PLXDC2: variants seen among roughly 807,000 people sequenced by gnomAD.
PLXDC2 encodes plexin domain containing 2, also known as plexin domain-containing protein 2.
A neutral mutation model predicts 68.9 loss-of-function variants in PLXDC2; 40 were observed. The ratio of observed to expected loss-of-function variants is 0.58; its 90% CI spans 0.45 to 0.76. PLXDC2 has a LOEUF of 0.76. Among genes scored for constraint, PLXDC2 ranks in the 30% least tolerant of loss-of-function variants. The pLI is 0.00. For synonymous variants in PLXDC2, 243 were observed against 234.2 expected, an observed-to-expected ratio of 1.04 and a Z score of -0.34; for missense variants, 644 against 661.9, an observed-to-expected ratio of 0.97 and a Z score of 0.30.
At chr10:19,875,166 C>G (rs886260054) in intron 1 of PLXDC2, among the ~76,000 whole-genome samples, 3 of 152,072 alleles carry the variant, frequency 2.0e-5, no homozygotes, top group Non-Finnish European at 2.9e-5. Context: ...TACTTAGGAT[C>G]CGATGTAGGA....
In PLXDC2 at chr10:19,941,975, A is replaced by G. The variant is rs544773936; in HGVS notation, c.113-59800A>G. ...TGTTTCCAGCCTTTGACATTTAGAG[A>G]AAAAAAAAAAAAAAAGAACTTTGGT... On this transcript the variant is annotated intron_variant, in intron 1 of 13. Transcript: ENST00000377252. Among the ~76,000 whole-genome samples, 603 of 99,352 alleles carry G rather than the reference A, an allele frequency of 6.1e-3. 1 individual carries two copies. The highest frequency in any genetic ancestry group is 0.018 in the African/African-American group (568 of 30,748). The allele number at this position is 99,352 out of a possible 152,430, so 65.2% of individuals were successfully genotyped here.
At chr10:20,106,294 C>T (rs754265559) in intron 4 of PLXDC2, among the ~76,000 whole-genome samples, 26 of 152,200 alleles carry the variant, frequency 1.7e-4, no homozygotes, top group African/African-American at 5.3e-4. Context: ...GGCAGAGCCA[C>T]TGCTGCCCTG....
intron 1 of PLXDC2, among the ~76,000 whole-genome samples, chr10:19,991,412 T>C (rs1227247850): frequency 6.6e-6 from 1 of 151,892 alleles, no homozygotes. Context: ...GAAAAGTGAT[T>C]TTTTAAATTC....
intron 4 of PLXDC2, among the ~76,000 whole-genome samples, chr10:20,140,512 A>G (rs1302689630): frequency 1.3e-5 from 2 of 151,850 alleles, no homozygotes; most frequent in African/African-American, 4.8e-5. Context: ...GGGTGTTGGT[A>G]TCTGTGAGTA....
At chr10:20,254,046 C>T (rs142847495) in intron 13 of PLXDC2, among the ~76,000 whole-genome samples, 2 of 152,228 alleles carry the variant, frequency 1.3e-5, no homozygotes, top group African/African-American at 4.8e-5. Context: ...CTATGGCACC[C>T]GGTTACAGAG....
At chr10:20,145,310 CT>C (rs1834062391) in intron 5 of PLXDC2, among the ~76,000 whole-genome samples, 3 of 152,226 alleles carry the variant, frequency 2.0e-5, no homozygotes, top group African/African-American at 7.2e-5. Flanking sequence ...GAATGAAACA[CT>C]TTTAAACACT....
intron 1 of PLXDC2, among the ~76,000 whole-genome samples, chr10:19,965,108 T>C (rs1834225713): frequency 6.6e-6 from 1 of 152,210 alleles, no homozygotes; most frequent in Non-Finnish European, 1.5e-5. Context: ...CAGCATGAAA[T>C]AATTTGCATT....
At chr10:19,876,996 A>G (rs1837644538) in intron 1 of PLXDC2, among the ~76,000 whole-genome samples, 1 of 152,212 alleles carries the variant, frequency 6.6e-6, no homozygotes, top group African/African-American at 2.4e-5. Context: ...AAGGTTAGAA[A>G]ATATGTGATT....
chr10:20,172,962 G>T (rs1178775447), intron 7 of PLXDC2, among the ~76,000 whole-genome samples: 2 of 152,174 alleles, frequency 1.3e-5, no homozygotes, highest in African/African-American at 4.8e-5. Flanking sequence ...TTTTAAAAAT[G>T]ATTCTGGCAA....
chr10:20,073,675 A>T (rs2131712769), intron 4 of PLXDC2, among the ~76,000 whole-genome samples: 1 of 152,306 alleles, frequency 6.6e-6, no homozygotes, highest in Non-Finnish European at 1.5e-5. Flanking sequence ...TGTCAAAAAT[A>T]CTTCAGAATA....
intron 13 of PLXDC2, among the ~76,000 whole-genome samples, chr10:20,245,970 T>C (rs1835589522): frequency 6.6e-6 from 1 of 152,332 alleles, no homozygotes; most frequent in Admixed American, 6.5e-5. Flanking sequence ...GGAAAAAATA[T>C]GGTTTTCACC....
rs549192461 is a variant in PLXDC2 at position 19,829,170 on chromosome 10, T to G, written c.112+11979T>G. Among the ~76,000 whole-genome samples the G allele has an allele frequency of 1.6e-3, 246 of 149,752 alleles. 1 individual carries two copies. The highest frequency in any genetic ancestry group is 5.9e-3 in the African/African-American group (240 of 40,454). The stretch of plus-strand genomic sequence containing the variant: ...CGCTTTCCTCTTTTTTTTTTTTTTT[T>G]TTTTTTTTTGGCTTTTTGTCCTTCA... On this transcript the variant is annotated intron_variant, in intron 1 of 13. Coordinates refer to ENST00000377252, the MANE Select transcript of PLXDC2 (RefSeq NM_032812.9).
intron 2 of PLXDC2, among the ~76,000 whole-genome samples, chr10:20,023,740 T>C (rs1173741309): frequency 1.3e-5 from 2 of 149,990 alleles, no homozygotes; most frequent in Admixed American, 1.3e-4. Flanking sequence ...TCCACAAAAG[T>C]TATTTATAGG....
chr10:20,097,916 G>A (rs927776493), intron 4 of PLXDC2, among the ~76,000 whole-genome samples: 6 of 148,162 alleles, frequency 4.0e-5, no homozygotes, highest in Admixed American at 2.0e-4. Flanking sequence ...TATTTATATA[G>A]CATTATATTA....
chr10:20,040,987 T>C (rs556423200), intron 2 of PLXDC2, among the ~76,000 whole-genome samples: 1 of 152,352 alleles, frequency 6.6e-6, no homozygotes, highest in South Asian at 2.1e-4. Flanking sequence ...TATATTTTCA[T>C]GGTTGATAGT....
At chr10:20,121,696 A>C (rs1392538031) in intron 4 of PLXDC2, among the ~76,000 whole-genome samples, 1 of 152,108 alleles carries the variant, frequency 6.6e-6, no homozygotes, top group Non-Finnish European at 1.5e-5. Flanking sequence ...TGAGGATAGG[A>C]GAGTGTATGG....
chr10:20,085,933 G>T (rs1422691401), intron 4 of PLXDC2, among the ~76,000 whole-genome samples: 1 of 152,188 alleles, frequency 6.6e-6, no homozygotes, highest in Non-Finnish European at 1.5e-5. Flanking sequence ...TCCTACAGCT[G>T]CCTATAAATG....
intron 12 of PLXDC2, among the ~76,000 whole-genome samples, chr10:20,222,774 G>C (rs1835229717): frequency 6.6e-6 from 1 of 151,978 alleles, no homozygotes; most frequent in African/African-American, 2.4e-5. Flanking sequence ...GATTGTATGA[G>C]CCCAGGAGCT....
chr10:19,990,709 A>G (rs916918762), intron 1 of PLXDC2, among the ~76,000 whole-genome samples: 1 of 152,166 alleles, frequency 6.6e-6, no homozygotes, highest in Non-Finnish European at 1.5e-5. Context: ...ATTGTGGATT[A>G]TTTACAATGT....
Sources: gnomAD v4.1 joint callset for allele counts (sites outside exome capture counted in the v4.1 genomes callset) on GRCh38, gnomAD v4.1.1 for gene constraint, MANE v1.5 for transcripts, NCBI Gene and HGNC (gene_info 2026-07-23, HGNC 2026-07-21) for gene names.